OTOGL: variants seen among roughly 807,000 people sequenced by gnomAD.
The protein encoded by OTOGL is otogelin like, also known as otogelin-like protein.
OTOGL carries 285 observed loss-of-function variants against 318.5 expected under a neutral mutation model. The ratio of observed to expected loss-of-function variants is 0.89; its 90% CI spans 0.81 to 0.99. The LOEUF is 0.99. Among genes scored for constraint, OTOGL ranks in the 50% least tolerant of loss-of-function variants. The probability of loss-of-function intolerance (pLI) is 0.00; values close to 1 mark genes in which losing one functional copy is unlikely to be tolerated. For missense variants in OTOGL, 2,899 were observed against 2,845.6 expected (o/e 1.02, Z -0.43); for synonymous variants, 987 against 936.5 (o/e 1.05, Z -0.99).
intron 22 of OTOGL, among the ~76,000 whole-genome samples, chr12:80,268,479 G>A (rs551077281): frequency 7.2e-5 from 11 of 152,190 alleles, no homozygotes; most frequent in South Asian, 6.2e-4. Context: ...GCTGATTTTT[G>A]TATTCACAGC....
chr12:80,335,684 C>T (rs963442901), intron 38 of OTOGL, among the ~76,000 whole-genome samples: 1 of 151,850 alleles, frequency 6.6e-6, no homozygotes. Context: ...TGCAAAAAAA[C>T]TAGGGAATTC....
At chr12:80,193,286 G>C (rs1875822984) in intron 1 of OTOGL, among the ~76,000 whole-genome samples, 1 of 152,170 alleles carries the variant, frequency 6.6e-6, no homozygotes, top group South Asian at 2.1e-4. Flanking sequence ...GGGAGGCTGT[G>C]GTGGGCAGAT....
chr12:80,229,155 T>C (rs1879139208), intron 7 of OTOGL, 102 bp from the exon 8 acceptor site: 1 of 1,320,128 alleles, frequency 7.6e-7, no homozygotes, highest in South Asian at 1.4e-5. Context: ...TAAAGTGTCA[T>C]GGGACTAATG....
At chr12:80,306,267 T>A (rs149370301) in intron 29 of OTOGL, among the ~76,000 whole-genome samples, 4 of 152,204 alleles carry the variant, frequency 2.6e-5, no homozygotes, top group African/African-American at 4.8e-5. Flanking sequence ...AGAAGGGACA[T>A]GTCTGAAGGA....
intron 7 of OTOGL, among the ~76,000 whole-genome samples, chr12:80,227,102 G>T (rs1409037652): frequency 6.6e-6 from 1 of 152,124 alleles, no homozygotes; most frequent in African/African-American, 2.4e-5. Context: ...GAGCTCTGGG[G>T]TGGAGTGATC....
At chr12:80,315,951 C>A (rs1025176776) in intron 32 of OTOGL, among the ~76,000 whole-genome samples, 1 of 152,116 alleles carries the variant, frequency 6.6e-6, no homozygotes, top group African/African-American at 2.4e-5. Flanking sequence ...GATTTATTGT[C>A]TAATAATAAC....
intron 1 of OTOGL, among the ~76,000 whole-genome samples, chr12:80,188,548 T>A (rs4842343): frequency 0.78 from 111,495 of 142,308 alleles, 45,168 homozygotes; most frequent in Non-Finnish European, 0.88. Context: ...AAAAAAAAAA[T>A]AATAATAATA....
At chr12:80,208,198 C>T (rs376083938) in intron 1 of OTOGL, 15 of 517,130 alleles carry the variant, frequency 2.9e-5, no homozygotes, top group Non-Finnish European at 3.9e-5. Context: ...GCTATTATTT[C>T]GGCAATGGAA....
At chr12:80,190,272 G>A (rs982777562) in intron 1 of OTOGL, among the ~76,000 whole-genome samples, 18 of 152,092 alleles carry the variant, frequency 1.2e-4, no homozygotes, top group Admixed American at 5.9e-4. Context: ...CCGGTAAAAC[G>A]CAGATTTTAA....
intron 7 of OTOGL, among the ~76,000 whole-genome samples, chr12:80,226,901 A>G (rs1266967613): frequency 6.6e-6 from 1 of 152,194 alleles, no homozygotes; most frequent in African/African-American, 2.4e-5. Context: ...TAATTTAAAA[A>G]TCACTTTCAG....
intron 18 of OTOGL, among the ~76,000 whole-genome samples, chr12:80,259,881 C>T (rs750751696): frequency 1.3e-5 from 2 of 152,092 alleles, no homozygotes; most frequent in Non-Finnish European, 2.9e-5. Context: ...TGGGTTCTCT[C>T]CTGCTCCTCA....
At chr12:80,345,131 T>C (rs187234114) in intron 44 of OTOGL, among the ~76,000 whole-genome samples, 7,024 of 135,638 alleles carry the variant, frequency 0.052, 330 homozygotes, top group Middle Eastern at 0.15. Context: ...TGTTATATAT[T>C]ATAATATATA....
Position 80,183,370 on chromosome 12 carries a change from A to G in OTOGL, c.-19-26043A>G, listed in dbSNP as rs113449823. Among the ~76,000 whole-genome samples the G allele has an allele frequency of 8.1e-4, 123 of 152,344 alleles. 1 individual carries two copies. Among genetic ancestry groups the G allele is most frequent in the African/African-American group, 2.9e-3 (119 of 41,578 alleles). On this transcript the variant is annotated intron_variant, in intron 1 of 58. Transcript: ENST00000547103. ...GATTTGAAGTAGTAGGACTCTTAAG[A>G]TGACTCCAAGTTCTTTTGGCTTTTT...
In OTOGL at chr12:80,182,276, C is replaced by A. The variant is rs570454573; in HGVS notation, c.-19-27137C>A. On this transcript the variant is annotated intron_variant, in intron 1 of 58. Coordinates refer to ENST00000547103, the MANE Select transcript of OTOGL (RefSeq NM_001378609.3). ...CTACTCATGTCAGTGAAATCTATAA[C>A]AGAGGCTTGGTACGACTCAGCAAAT... Among the ~76,000 whole-genome samples the A allele has an allele frequency of 2.6e-5, 4 of 152,254 alleles. No individual in the cohort carries two copies. In the East Asian group the frequency reaches 7.7e-4, roughly 29 times the overall value.
chr12:80,276,585 A>G (rs1267093120), intron 24 of OTOGL, among the ~76,000 whole-genome samples: 1 of 151,674 alleles, frequency 6.6e-6, no homozygotes, highest in Admixed American at 6.6e-5. Context: ...TTGAGTTGTA[A>G]GTGATAAGTT....
At chr12:80,194,887 T>C (rs1384791933) in intron 1 of OTOGL, among the ~76,000 whole-genome samples, 1 of 152,198 alleles carries the variant, frequency 6.6e-6, no homozygotes, top group Non-Finnish European at 1.5e-5. Flanking sequence ...TGAATCAGAC[T>C]AAAATAACAG....
intron 1 of OTOGL, among the ~76,000 whole-genome samples, chr12:80,157,959 T>C (rs953547227): frequency 6.6e-5 from 10 of 152,164 alleles, no homozygotes; most frequent in Non-Finnish European, 1.2e-4. Flanking sequence ...TATTGATTTA[T>C]GTGAAAAAAA....
intron 1 of OTOGL, among the ~76,000 whole-genome samples, chr12:80,201,664 T>G (rs1050798281): frequency 2.6e-5 from 4 of 152,114 alleles, no homozygotes; most frequent in African/African-American, 7.2e-5. Flanking sequence ...CCAGGACATA[T>G]ACTTCTAATG....
rs141117654 is a variant in OTOGL, at chr12:80,269,078, G to A, written c.2466-1024G>A. 3.4e-3 allele frequency among the ~76,000 whole-genome samples: 516 copies of A among 152,182 alleles called. 4 individuals carry two copies. Among genetic ancestry groups the A allele is most frequent in the African/African-American group, 0.012 (492 of 41,542 alleles). ...TCTCAGTTCCTCTGTGCTATTCAAAGTGTGAGCAAATTCAATCAGAAGTGA... is the reference window on the plus strand; with the variant it reads ...TCTCAGTTCCTCTGTGCTATTCAAAATGTGAGCAAATTCAATCAGAAGTGA... On this transcript the variant is annotated intron_variant, in intron 22 of 58. Transcript: ENST00000547103.
Sources: gnomAD v4.1 joint callset for allele counts (sites outside exome capture counted in the v4.1 genomes callset) on GRCh38, gnomAD v4.1.1 for gene constraint, MANE v1.5 for transcripts, NCBI Gene and HGNC (gene_info 2026-07-23, HGNC 2026-07-21) for gene names.